PPP6R2: variants seen among roughly 807,000 people sequenced by gnomAD.
PPP6R2 encodes the protein serine/threonine-protein phosphatase 6 regulatory subunit 2.
Under a neutral mutation model 100.2 loss-of-function variants are expected in PPP6R2, and 62 were observed. The ratio of observed to expected loss-of-function variants is 0.62; its 90% confidence interval spans 0.50 to 0.76. The LOEUF is 0.76. Ranked by LOEUF, PPP6R2 falls within the 30% of genes least tolerant of loss-of-function variation. The probability of loss-of-function intolerance (pLI) is 0.00; values close to 1 mark genes in which losing one functional copy is unlikely to be tolerated. For synonymous variants in PPP6R2, 525 were observed against 514.7 expected (o/e 1.02, Z -0.27); for missense variants, 1,142 against 1,276.3 (o/e 0.89, Z 1.60).
chr22:50,412,037 C>T lies in PPP6R2; in HGVS notation c.415-2515C>T, dbSNP rs569384884. ...TCCAGCCTGGGCCAGAGTGAGACTG[C>T]ATCTCAAAAAAACAAACAAAATCCT... On this transcript the variant is annotated intron_variant, in intron 4 of 23. Coordinates refer to ENST00000612753, the MANE Select transcript of PPP6R2 (RefSeq NM_001242898.2). 2.6e-5 allele frequency among the ~76,000 whole-genome samples: 4 copies of T among 152,008 alleles called. No individual in the cohort carries two copies. The South Asian group carries it at 8.3e-4, about 32-fold the overall frequency.
chr22:50,338,092 GTGTGGTGTGTGGTA>G, the PPP6R2 span, among the ~76,000 whole-genome samples: 1 of 147,908 alleles, frequency 6.8e-6, no homozygotes, highest in African/African-American at 2.5e-5. Context: ...TGTGTAGTGT[GTGTGGTGTGTGGTA>G]TGTGGTGTGT....
rs377023341 is a variant in PPP6R2, at chr22:50,390,193, T to G, written c.-16-3700T>G. Among the ~76,000 whole-genome samples, 91 of 150,346 alleles carry G rather than the reference T, an allele frequency of 6.1e-4. No individual in the cohort carries two copies. The South Asian group carries it at 0.018, about 29-fold the overall frequency. ...TTTTATTAGAGATGGGGTTTCACCA[T>G]GTTGGTCAGGCTGGTCTCAAACTCC... On this transcript the variant is annotated intron_variant, in intron 2 of 23. Transcript: ENST00000612753.
At chr22:50,373,295 G>A (rs1478745453) in intron 2 of PPP6R2, among the ~76,000 whole-genome samples, 3 of 143,378 alleles carry the variant, frequency 2.1e-5, no homozygotes, top group Non-Finnish European at 4.5e-5. Context: ...AGGCTGGAGT[G>A]CAGTGGCGCG....
chr22:50,339,823 T>G, upstream of PPP6R2, among the ~76,000 whole-genome samples: 1 of 66,930 alleles, frequency 1.5e-5, no homozygotes, highest in Non-Finnish European at 2.6e-5. Flanking sequence ...GTGTGTGGGG[T>G]ATGTAGTGTG....
intron 1 of PPP6R2, among the ~76,000 whole-genome samples, chr22:50,348,962 C>A (rs1240677336): frequency 6.6e-6 from 1 of 151,912 alleles, no homozygotes; most frequent in Non-Finnish European, 1.5e-5. Context: ...GATGCTGAGG[C>A]GGGCGGATCA....
intron 1 of PPP6R2, among the ~76,000 whole-genome samples, chr22:50,350,885 G>C (rs2044954905): frequency 6.6e-6 from 1 of 151,670 alleles, no homozygotes; most frequent in African/African-American, 2.4e-5. Flanking sequence ...ATGGGCTGCA[G>C]TATGGAGTAT....
the PPP6R2 span, among the ~76,000 whole-genome samples, chr22:50,331,428 C>G: frequency 6.6e-6 from 1 of 152,086 alleles, no homozygotes; most frequent in African/African-American, 2.4e-5. Context: ...TATAAAGGTT[C>G]CAGTTCTCCA....
chr22:50,418,796 G>A, intron 6 of PPP6R2, 71 bp from the exon 7 acceptor site: 1 of 1,202,984 alleles, frequency 8.3e-7, no homozygotes, highest in Middle Eastern at 1.9e-4. Context: ...TGTGCCCTGT[G>A]TGCCCAGCAG....
At chr22:50,443,514 A>C in intron 22 of PPP6R2, 2 of 237,362 alleles carry the variant, frequency 8.4e-6, no homozygotes, top group Middle Eastern at 1.3e-3. Flanking sequence ...ATCCCCTGGG[A>C]GGTTTCCCCA....
In PPP6R2 at chr22:50,397,646, T is replaced by TCC. The variant is rs144243064; in HGVS notation, c.227+3512_227+3513insCC. Among the ~76,000 whole-genome samples, 162 of 86,624 alleles carry TCC rather than the reference T, an allele frequency of 1.9e-3. 1 individual carries two copies. Among genetic ancestry groups the TCC allele is most frequent in the East Asian group, 8.7e-3 (10 of 1,148 alleles). 56.8% of individuals were successfully genotyped at this position (86,624 alleles called of 152,430 possible). A position where few individuals can be genotyped will look rare whatever the true frequency, so the allele number is the denominator to read the frequency against. ...GGGCCTGTCCTCACCAGCCTTGTCA[T>TCC]CTCTGAGCTTTTCTCTGAGGAGTGT... On this transcript the variant is annotated intron_variant, in intron 3 of 23. Transcript: ENST00000612753.
rs142658223 is a variant in PPP6R2 at position 50,349,795 on chromosome 22, A to G, written c.-148+6245A>G. On this transcript the variant is annotated intron_variant, in intron 1 of 23. Coordinates refer to ENST00000612753, the MANE Select transcript of PPP6R2 (RefSeq NM_001242898.2). Reference sequence around the variant, plus strand: ...ACAACATTGCATTCCATTCTGGGCAACAAGAGTGAAACTCCATCTTAAAAA... The same window carrying G: ...ACAACATTGCATTCCATTCTGGGCAGCAAGAGTGAAACTCCATCTTAAAAA... Among the ~76,000 whole-genome samples the G allele has an allele frequency of 8.2e-3, 1,239 of 150,710 alleles. 24 individuals carry two copies. The highest frequency in any genetic ancestry group is 0.029 in the African/African-American group (1,168 of 40,620).
At chr22:50,388,165 A>C (rs757152779) in intron 2 of PPP6R2, among the ~76,000 whole-genome samples, 2 of 150,098 alleles carry the variant, frequency 1.3e-5, no homozygotes, top group Non-Finnish European at 3.0e-5. Flanking sequence ...TCTATAAAAA[A>C]TTTTTTTAGG....
intron 2 of PPP6R2, among the ~76,000 whole-genome samples, chr22:50,390,931 G>A (rs1386396173): frequency 5.3e-5 from 8 of 151,416 alleles, no homozygotes; most frequent in Admixed American, 3.3e-4. Context: ...CCCAGGAGGC[G>A]GAGATTGCAG....
chr22:50,444,112 G>C lies in PPP6R2; in HGVS notation c.2826G>C (p.Lys942Asn), dbSNP rs767548284. 6.8e-6 allele frequency: 11 copies of C among 1,612,036 alleles called. No individual in the cohort carries two copies. Among genetic ancestry groups the C allele is most frequent in the Non-Finnish European group, 9.3e-6 (11 of 1,178,726 alleles). ...AMVATLGTVT[K>N]DGKTDAPPEG... ...TGGCCACCCTGGGGACAGTGACAAA[G>C]GACGGGTGAGCAGGTTGAGTGTGGG... is the stretch of plus-strand genomic sequence containing the variant. Residue 942 changes from lysine (K) to asparagine (N), a missense_variant, in exon 23 of 24, where the codon AAG (lysine) becomes AAC (asparagine). Physicochemically the swap from Lys to Asn is moderately conservative, Grantham distance 94. This residue lies in a region of PPP6R2 where 550 missense variants were observed against 517.4 expected (regional missense o/e 1.06). Transcript: ENST00000612753.
In PPP6R2 at chr22:50,431,456, G is replaced by T. The variant is rs961963453; in HGVS notation, c.1335+74G>T. 1.5e-6 allele frequency: 2 copies of T among 1,361,312 alleles called. No individual in the cohort carries two copies. The highest frequency in any genetic ancestry group is 4.8e-5 in the East Asian group (2 of 41,304). The allele number at this position is 1,361,312 out of a possible 1,614,324, so 84.3% of individuals were successfully genotyped here. ...AGACCGTGTCCATGTCAGCGCTGAC[G>T]TGTGCCGGACCTCACTGTGCAGCTG... On this transcript the variant is annotated intron_variant, in intron 11 of 23. Coordinates refer to ENST00000612753, the MANE Select transcript of PPP6R2 (RefSeq NM_001242898.2). The surrounding 1 kb of genome is among the most constrained non-coding windows in gnomAD (Gnocchi z 4.8).
chr22:50,409,604 T>C (rs1377528181), intron 4 of PPP6R2, among the ~76,000 whole-genome samples: 2 of 152,148 alleles, frequency 1.3e-5, no homozygotes, highest in Non-Finnish European at 2.9e-5. Context: ...ATTTTTGTAT[T>C]TTTAGTAGAG....
chr22:50,393,897 GC>G lies in PPP6R2; in HGVS notation c.-11del, dbSNP rs376897897. ...CCCCTTTGCCCTCGTTTGCAGCTCT[GC>G]GGCCGTCACGATGTTCTGGAAGTTT... On this transcript the variant is annotated 5_prime_UTR_variant, in exon 3 of 24. Transcript: ENST00000612753. 1.1e-4 allele frequency: 181 copies of G among 1,614,182 alleles called. 1 individual carries two copies. In the East Asian group the frequency reaches 4.0e-3, roughly 35 times the overall value.
intron 2 of PPP6R2, among the ~76,000 whole-genome samples, chr22:50,385,079 C>T (rs1465763969): frequency 6.6e-6 from 1 of 152,156 alleles, no homozygotes; most frequent in Non-Finnish European, 1.5e-5. Context: ...CAGTTCCACT[C>T]CCATGATAAC....
At chr22:50,412,589 G>T (rs1265734306) in intron 4 of PPP6R2, among the ~76,000 whole-genome samples, 1 of 148,890 alleles carries the variant, frequency 6.7e-6, no homozygotes, top group African/African-American at 2.5e-5. Flanking sequence ...AGTATGTTCT[G>T]GAACTATTCT....
Sources: gnomAD v4.1 joint callset for allele counts (sites outside exome capture counted in the v4.1 genomes callset) on GRCh38, gnomAD v4.1.1 for gene constraint, gnomAD v4.1.1 regional missense constraint, Gnocchi (gnomAD v3.1) non-coding constraint, MANE v1.5 for transcripts, NCBI Gene and HGNC (gene_info 2026-07-23, HGNC 2026-07-21) for gene names.